The following GPD2 variants were observed in gnomAD, a reference collection of about 807,000 sequenced individuals.
GPD2 encodes glycerol-3-phosphate dehydrogenase 2, also known as glycerol-3-phosphate dehydrogenase, mitochondrial.
Under a neutral mutation model 82.4 loss-of-function variants are expected in GPD2, and 54 were observed. The ratio of observed to expected loss-of-function variants is 0.66; its 90% CI spans 0.53 to 0.82. GPD2 has a LOEUF of 0.82. Ranked by LOEUF, GPD2 falls within the 40% of genes least tolerant of loss-of-function variation. GPD2 has a pLI of 0.00. For synonymous variants in GPD2, 288 were observed against 306.1 expected, an observed-to-expected ratio of 0.94 and a Z score of 0.62; for missense variants, 748 against 896.2, an observed-to-expected ratio of 0.83 and a Z score of 2.11.
intron 3 of GPD2, among the ~76,000 whole-genome samples, chr2:156,498,376 C>T (rs1378328125): frequency 6.6e-6 from 1 of 152,106 alleles, no homozygotes; most frequent in Non-Finnish European, 1.5e-5. Flanking sequence ...TGAGGGTAGT[C>T]ATATCTACAT....
At chr2:156,491,279 G>T (rs1433620856) in intron 2 of GPD2, among the ~76,000 whole-genome samples, 1 of 152,234 alleles carries the variant, frequency 6.6e-6, no homozygotes, top group East Asian at 1.9e-4. Context: ...GAGGCAGAGA[G>T]TAAATGTTTA....
intron 2 of GPD2, among the ~76,000 whole-genome samples, chr2:156,480,874 G>A (rs967454782): frequency 6.6e-6 from 1 of 151,158 alleles, no homozygotes; most frequent in Non-Finnish European, 1.5e-5. Context: ...TGCCTCCTGG[G>A]TTCAAGCGAT....
At chr2:156,529,911 T>C (rs1049678283) in intron 6 of GPD2, among the ~76,000 whole-genome samples, 6 of 152,176 alleles carry the variant, frequency 3.9e-5, no homozygotes, top group Non-Finnish European at 5.9e-5. Flanking sequence ...AGGATTGCCT[T>C]GGCGATGTGG....
chr2:156,510,340 A>G (rs1284825535), intron 3 of GPD2, among the ~76,000 whole-genome samples: 1 of 152,190 alleles, frequency 6.6e-6, no homozygotes, highest in Non-Finnish European at 1.5e-5. Flanking sequence ...CACAGAAGGA[A>G]GTCTAGTCTA....
At chr2:156,494,980 T>C (rs1684315318) in intron 2 of GPD2, among the ~76,000 whole-genome samples, 1 of 152,324 alleles carries the variant, frequency 6.6e-6, no homozygotes, top group East Asian at 1.9e-4. Context: ...ACTAGAAATA[T>C]GGAAGGTCAT....
At chr2:156,418,085 C>T in the GPD2 span, among the ~76,000 whole-genome samples, 4 of 151,914 alleles carry the variant, frequency 2.6e-5, no homozygotes, top group Non-Finnish European at 5.9e-5. Context: ...CATGGTGGCA[C>T]GTGCCTGTAG....
the GPD2 span, among the ~76,000 whole-genome samples, chr2:156,416,672 ATTTAGAACTTTTATGTGTCACTCT>A: frequency 6.6e-6 from 1 of 151,984 alleles, no homozygotes; most frequent in Non-Finnish European, 1.5e-5. Context: ...TAAATATTTC[ATTTAGAACTTTTATGTGTCACTCT>A]TTCAGACACT....
At chr2:156,481,309 G>A (rs1349830110) in intron 2 of GPD2, among the ~76,000 whole-genome samples, 1 of 152,014 alleles carries the variant, frequency 6.6e-6, no homozygotes, top group Non-Finnish European at 1.5e-5. Flanking sequence ...TTTGTGTTGT[G>A]AACATTAAAA....
intron 6 of GPD2, among the ~76,000 whole-genome samples, chr2:156,534,296 G>C (rs1685981334): frequency 6.6e-6 from 1 of 152,140 alleles, no homozygotes; most frequent in South Asian, 2.1e-4. Context: ...CTGCTTATCT[G>C]TTATCTGCTC....
At chr2:156,456,031 A>G (rs1367597282) in intron 1 of GPD2, among the ~76,000 whole-genome samples, 1 of 152,196 alleles carries the variant, frequency 6.6e-6, no homozygotes, top group Non-Finnish European at 1.5e-5. Flanking sequence ...CCATGTAGTT[A>G]TTTAGGATGG....
At chr2:156,543,979 T>A (rs985274060) in intron 6 of GPD2, among the ~76,000 whole-genome samples, 3 of 152,198 alleles carry the variant, frequency 2.0e-5, no homozygotes, top group African/African-American at 7.2e-5. Context: ...GGATTAACTT[T>A]AGTAGAAAAT....
chr2:156,425,723 T>A, the GPD2 span, among the ~76,000 whole-genome samples: 1 of 152,108 alleles, frequency 6.6e-6, no homozygotes, highest in Admixed American at 6.5e-5. Flanking sequence ...TGGCATGCTT[T>A]CTCCAATTTG....
At chr2:156,568,722 A>G in intron 9 of GPD2, 103 bp from the exon 10 acceptor site, 1 of 958,552 alleles carries the variant, frequency 1.0e-6, no homozygotes, top group Non-Finnish European at 1.7e-6. Context: ...TAAAGTGCAC[A>G]CATGTGTATT....
the GPD2 span, among the ~76,000 whole-genome samples, chr2:156,427,003 G>T: frequency 6.6e-6 from 1 of 152,200 alleles, no homozygotes; most frequent in Non-Finnish European, 1.5e-5. Flanking sequence ...GTTGGGCAGA[G>T]GGAGAAATTG....
At position 156,585,703 on chromosome 2, in the gene GPD2, T is replaced by C. The variant is rs1234368822; in HGVS notation, c.*2785T>C. The C allele has an allele frequency of 6.6e-6, 1 of 152,490 alleles. No homozygotes were observed. 9.4% of individuals were successfully genotyped at this position (152,490 alleles called of 1,614,324 possible). A position where few individuals can be genotyped will look rare whatever the true frequency, so the allele number is the denominator to read the frequency against. On this transcript the variant is annotated 3_prime_UTR_variant, in exon 17 of 17. Transcript: ENST00000438166. ...AACTCATTCTCACTTTTACTAAATA[T>C]ACTGTAGGAGTCATCATTGATGTTA...
chr2:156,503,667 G>A (rs1684674787), intron 3 of GPD2, among the ~76,000 whole-genome samples: 1 of 152,126 alleles, frequency 6.6e-6, no homozygotes, highest in Non-Finnish European at 1.5e-5. Flanking sequence ...AAGTTGTGAA[G>A]AATGAGTGCT....
At chr2:156,532,151 A>G (rs1468986694) in intron 6 of GPD2, among the ~76,000 whole-genome samples, 2 of 152,070 alleles carry the variant, frequency 1.3e-5, no homozygotes, top group African/African-American at 4.8e-5. Context: ...TTGTGCACCA[A>G]CACATCTGGC....
chr2:156,580,237 T>C (rs73020417), intron 16 of GPD2, among the ~76,000 whole-genome samples: 2,491 of 152,282 alleles, frequency 0.016, 68 homozygotes, highest in African/African-American at 0.057. Context: ...ATCATATTCA[T>C]TTGAGAATTT....
At chr2:156,477,267 C>CA (rs1195896694) in intron 2 of GPD2, among the ~76,000 whole-genome samples, 3 of 151,888 alleles carry the variant, frequency 2.0e-5, no homozygotes, top group Non-Finnish European at 2.9e-5. Flanking sequence ...CCTGTCTCTA[C>CA]AAAAAAATAC....
Sources: allele counts gnomAD v4.1 joint callset (sites outside exome capture counted in the v4.1 genomes callset), GRCh38; gene constraint gnomAD v4.1.1; transcripts MANE v1.5; gene names NCBI Gene and HGNC (gene_info 2026-07-23, HGNC 2026-07-21).